Variants in KIAA1958 observed in about 807,000 individuals in gnomAD.
KIAA1958 encodes uncharacterized protein KIAA1958.
A neutral mutation model predicts 47.2 loss-of-function variants in KIAA1958; 14 were observed. The ratio of observed to expected loss-of-function variants is 0.30; its 90% CI spans 0.20 to 0.46. The LOEUF is 0.46. Ranked by LOEUF, KIAA1958 falls within the 20% of genes least tolerant of loss-of-function variation. The pLI is 1.00. For missense variants in KIAA1958, 803 were observed against 909.2 expected (o/e 0.88, Z 1.50); for synonymous variants, 354 against 353.3 (o/e 1.00, Z -0.02).
chr9:112,596,926 A>G (rs1195583701), intron 2 of KIAA1958, among the ~76,000 whole-genome samples: 2 of 152,240 alleles, frequency 1.3e-5, no homozygotes, highest in East Asian at 1.9e-4. Flanking sequence ...AAATGTAGAT[A>G]TGTAAATTGA....
chr9:112,574,207 A>T lies in KIAA1958; in HGVS notation c.127A>T (p.Asn43Tyr), dbSNP rs1835590661. The T allele has an allele frequency of 1.9e-6, 3 of 1,614,156 alleles. No individual in the cohort carries two copies. The highest frequency in any genetic ancestry group is 1.3e-5 in the African/African-American group (1 of 75,048). The change falls in exon 2 of 4, where the codon AAC becomes TAC. Residue 43 changes from asparagine to tyrosine, a missense_variant. Physicochemically the swap from Asn to Tyr is moderately radical, Grantham distance 143. Around this residue, in one of 2 missense-constraint regions of KIAA1958, gnomAD observed 42 missense variants for 79.9 expected, o/e 0.53. Transcript: ENST00000337530. ...CTTGCTTTCTGAAGGTTCCCATGGG[A>T]ACCTGACAGCAATGTGGGGCTGTAG... ...KHLLSEGSHG[N>Y]LTAMWGCSAG...
chr9:112,537,756 C>T (rs944912633), intron 1 of KIAA1958, among the ~76,000 whole-genome samples: 3 of 152,262 alleles, frequency 2.0e-5, no homozygotes, highest in African/African-American at 4.8e-5. Context: ...AGTTATCTAT[C>T]GCTGTATCCA....
intron 1 of KIAA1958, among the ~76,000 whole-genome samples, chr9:112,543,041 T>C (rs1350877416): frequency 6.6e-6 from 1 of 152,158 alleles, no homozygotes; most frequent in African/African-American, 2.4e-5. Flanking sequence ...TTTGTTTTGG[T>C]ATTTCAGAAA....
chr9:112,525,293 T>C (rs1363429734), intron 1 of KIAA1958, among the ~76,000 whole-genome samples: 1 of 152,246 alleles, frequency 6.6e-6, no homozygotes, highest in Non-Finnish European at 1.5e-5. Flanking sequence ...CTGCTGGCTC[T>C]GAGTTGACAT....
At position 112,559,463 on chromosome 9, in the gene KIAA1958, GCTGAGA is replaced by G. The variant is rs1835292086; in HGVS notation, c.-24-14593_-24-14588del. Among the ~76,000 whole-genome samples, 3 of 152,222 alleles carry G rather than the reference GCTGAGA, an allele frequency of 2.0e-5. No homozygotes were observed. In the South Asian group the frequency reaches 6.2e-4, roughly 32 times the overall value. On this transcript the variant is annotated intron_variant, in intron 1 of 3. Coordinates refer to ENST00000337530, the MANE Select transcript of KIAA1958 (RefSeq NM_133465.4). ...GAGGCAGAGAACAGCTCTGATTGCT[GCTGAGA>G]AGCCAAGAGAAGAGGACTGAGGAGT...
At chr9:112,505,427 A>C (rs1053471490) in intron 1 of KIAA1958, among the ~76,000 whole-genome samples, 1 of 152,228 alleles carries the variant, frequency 6.6e-6, no homozygotes, top group Admixed American at 6.5e-5. Flanking sequence ...GTGTGAGTAG[A>C]GTGCCAGGCA....
At position 112,611,530 on chromosome 9, in the gene KIAA1958, TA is replaced by T. The variant is rs566361135; in HGVS notation, c.1172-34108del. ...AAATTTAACAAAACTCTTTAAGATT[TA>T]AAAAAAAAAAATTGGGGTGGGGAGA... On this transcript the variant is annotated intron_variant, in intron 2 of 3. Coordinates refer to ENST00000337530, the MANE Select transcript of KIAA1958 (RefSeq NM_133465.4). Among the ~76,000 whole-genome samples, 152 of 145,272 alleles carry T rather than the reference TA, an allele frequency of 1.0e-3. No homozygotes were observed. The East Asian group carries it at 0.012, about 12-fold the overall frequency.
At chr9:112,525,643 T>C (rs1438489603) in intron 1 of KIAA1958, among the ~76,000 whole-genome samples, 1 of 152,198 alleles carries the variant, frequency 6.6e-6, no homozygotes, top group Non-Finnish European at 1.5e-5. Flanking sequence ...GTACCTATTA[T>C]ATGAAGGGAA....
chr9:112,518,432 ATACT>A (rs1449488891), intron 1 of KIAA1958, among the ~76,000 whole-genome samples: 2 of 152,346 alleles, frequency 1.3e-5, no homozygotes, highest in African/African-American at 4.8e-5. Flanking sequence ...TAATCTCAAA[ATACT>A]TATGTTGGGT....
chr9:112,606,279 G>A (rs368104528), intron 2 of KIAA1958, among the ~76,000 whole-genome samples: 4 of 152,204 alleles, frequency 2.6e-5, no homozygotes, highest in South Asian at 4.2e-4. Context: ...TTAGGCTTTT[G>A]GGTACATAGG....
chr9:112,588,871 A>G (rs774977290), intron 2 of KIAA1958, among the ~76,000 whole-genome samples: 2 of 151,960 alleles, frequency 1.3e-5, no homozygotes, highest in Non-Finnish European at 2.9e-5. Context: ...TCCATCAATA[A>G]TTTCCCAAGA....
chr9:112,639,811 G>T (rs1010584302), intron 2 of KIAA1958, among the ~76,000 whole-genome samples: 1 of 152,094 alleles, frequency 6.6e-6, no homozygotes, highest in African/African-American at 2.4e-5. Flanking sequence ...ACATACTGTG[G>T]TATAAATGTC....
chr9:112,495,238 T>G (rs1357155661), intron 1 of KIAA1958, among the ~76,000 whole-genome samples: 3 of 152,204 alleles, frequency 2.0e-5, no homozygotes, highest in Admixed American at 6.5e-5. Flanking sequence ...CTTATTCCTT[T>G]TGAAATATGT....
rs768489084 is a variant in KIAA1958, at chr9:112,545,825, G to GTTT, written c.-24-28213_-24-28211dup. 2.7e-4 allele frequency among the ~76,000 whole-genome samples: 25 copies of GTTT among 93,082 alleles called. 1 individual carries two copies. The highest frequency in any genetic ancestry group is 9.5e-4 in the East Asian group (3 of 3,154). 61.1% of individuals were successfully genotyped at this position (93,082 alleles called of 152,430 possible). ...TCTTTAGTGATACACAGGTTTCTTTGTTTTTTTTTTTTTTTTTTTTTAGTG... is the reference window on the plus strand; with the variant it reads ...TCTTTAGTGATACACAGGTTTCTTTGTTTTTTTTTTTTTTTTTTTTTTTTAGTG... On this transcript the variant is annotated intron_variant, in intron 1 of 3. Transcript: ENST00000337530.
chr9:112,502,121 AT>A (rs1834152376), intron 1 of KIAA1958, among the ~76,000 whole-genome samples: 1 of 152,224 alleles, frequency 6.6e-6, no homozygotes, highest in Non-Finnish European at 1.5e-5. Flanking sequence ...GGAGGAAGTT[AT>A]TCTCATATGT....
At chr9:112,595,790 A>G (rs1016800406) in intron 2 of KIAA1958, among the ~76,000 whole-genome samples, 17 of 145,992 alleles carry the variant, frequency 1.2e-4, no homozygotes, top group African/African-American at 4.2e-4. Context: ...GTTTGAAAGC[A>G]TTTTTTTTTT....
In KIAA1958 at chr9:112,645,768, G is replaced by T; in HGVS notation, c.1290G>T (p.Val430=). The T allele has an allele frequency of 1.9e-6, 3 of 1,614,152 alleles. No individual in the cohort carries two copies. Among genetic ancestry groups the T allele is most frequent in the Non-Finnish European group, 2.5e-6 (3 of 1,180,010 alleles). The change falls in exon 3 of 4, where the codon GTG becomes GTT. Residue 430 remains valine (V), a synonymous_variant. Transcript: ENST00000337530. ...TTKATRYALN[V]WRYWCMTNGL... is the part of the protein sequence containing the mutation. ...AAGCCACGCGGTACGCCTTGAATGT[G>T]TGGCGTTATTGGTGCATGACCAACG...
At chr9:112,560,552 C>T (rs1008129634) in intron 1 of KIAA1958, among the ~76,000 whole-genome samples, 3 of 152,092 alleles carry the variant, frequency 2.0e-5, no homozygotes, top group Non-Finnish European at 2.9e-5. Context: ...TTGTTTTCCA[C>T]GACCGTAGAA....
intron 2 of KIAA1958, among the ~76,000 whole-genome samples, chr9:112,614,825 A>G (rs1020435755): frequency 6.6e-6 from 1 of 152,212 alleles, no homozygotes; most frequent in African/African-American, 2.4e-5. Context: ...GTATGTTAGC[A>G]TGGTGCTGAA....
Sources: gnomAD v4.1 joint callset for allele counts (sites outside exome capture counted in the v4.1 genomes callset) on GRCh38, gnomAD v4.1.1 for gene constraint, gnomAD v4.1.1 regional missense constraint, MANE v1.5 for transcripts, NCBI Gene and HGNC (gene_info 2026-07-23, HGNC 2026-07-21) for gene names.